Variants in RNF216 observed in about 807,000 individuals in gnomAD.
RNF216 encodes E3 ubiquitin-protein ligase RNF216.
A neutral mutation model predicts 110.8 loss-of-function variants in RNF216; 72 were observed. That is an observed-to-expected ratio of 0.65 (90% CI 0.54 to 0.79). RNF216 has a LOEUF of 0.79. Among genes scored for constraint, RNF216 ranks in the 30% least tolerant of loss-of-function variants. The pLI is 0.00. For synonymous variants in RNF216, 495 were observed against 407.5 expected (o/e 1.21, Z -2.59); for missense variants, 1,342 against 1,141.2 (o/e 1.18, Z -2.54).
At chr7:5,683,508 G>C (rs1483292267) in intron 13 of RNF216, among the ~76,000 whole-genome samples, 1 of 152,102 alleles carries the variant, frequency 6.6e-6, no homozygotes, top group East Asian at 1.9e-4. Context: ...AGAGACCAAG[G>C]CCACAGGCAC....
intron 13 of RNF216, among the ~76,000 whole-genome samples, chr7:5,692,454 T>C (rs1213519240): frequency 6.6e-6 from 1 of 152,386 alleles, no homozygotes; most frequent in Admixed American, 6.5e-5. Flanking sequence ...GGAAACAGTC[T>C]TGAATTCTAA....
intron 5 of RNF216, chr7:5,732,955 G>C (rs1030546318): frequency 6.6e-6 from 1 of 152,202 alleles, no homozygotes; most frequent in African/African-American, 2.4e-5. Context: ...AAGTTAACCA[G>C]CCAAAGTAGA....
rs1032056675 is a variant in RNF216, at chr7:5,696,632, G to A, written c.2061+15129C>T. ...CACCAAAGCCTCTTCCTTGGCTGCTGCCATCCTCGCTTTTGACTACTGCCC... is the reference window on the plus strand; with the variant it reads ...CACCAAAGCCTCTTCCTTGGCTGCTACCATCCTCGCTTTTGACTACTGCCC... On this transcript the variant is annotated intron_variant, in intron 13 of 16. Transcript: ENST00000389902. This position sits in a 1 kb window ranked among gnomAD's most constrained non-coding sequence, Gnocchi z 5.4. 6.6e-6 allele frequency among the ~76,000 whole-genome samples: 1 copy of A among 152,128 alleles called. No individual in the cohort carries two copies. The highest frequency in any genetic ancestry group is 1.9e-4 in the East Asian group (1 of 5,202).
At chr7:5,768,416 GAAGC>G (rs1235566861) in intron 1 of RNF216, among the ~76,000 whole-genome samples, 11 of 119,204 alleles carry the variant, frequency 9.2e-5, no homozygotes, top group African/African-American at 3.7e-4. Context: ...AGACCTTAAG[GAAGC>G]AAGATGAACC....
chr7:5,639,406 T>TC (rs1787594897), intron 15 of RNF216, among the ~76,000 whole-genome samples: 1 of 151,742 alleles, frequency 6.6e-6, no homozygotes, highest in African/African-American at 2.4e-5. Flanking sequence ...ACTTCTGTTT[T>TC]CCTTTTTTTT....
intron 1 of RNF216, among the ~76,000 whole-genome samples, chr7:5,781,093 G>A (rs891203559): frequency 1.3e-5 from 2 of 152,192 alleles, no homozygotes; most frequent in African/African-American, 4.8e-5. Flanking sequence ...TGAGGGAAGA[G>A]GAGGAAAAAC....
intron 13 of RNF216, among the ~76,000 whole-genome samples, chr7:5,655,170 T>G (rs1387366987): frequency 6.6e-6 from 1 of 152,214 alleles, no homozygotes; most frequent in African/African-American, 2.4e-5. Flanking sequence ...CAAAATGACC[T>G]GGCCAGGCTG....
At chr7:5,722,741 G>T (rs1793511873) in intron 8 of RNF216, among the ~76,000 whole-genome samples, 1 of 151,616 alleles carries the variant, frequency 6.6e-6, no homozygotes, top group South Asian at 2.1e-4. Context: ...AGTTTTTGGG[G>T]CCAGGCGCAG....
chr7:5,630,493 T>C (rs377576167), intron 15 of RNF216, among the ~76,000 whole-genome samples: 1 of 152,130 alleles, frequency 6.6e-6, no homozygotes, highest in Admixed American at 6.6e-5. Context: ...TCTTCTCACC[T>C]TAGGCTCCCC....
rs149833669 is a variant in RNF216 at position 5,623,062 on chromosome 7, T to A, written c.2570A>T (p.Tyr857Phe). ...GGGGAAGGGTGGGTGCGCGAAGGCA[T>A]AGGGTGGCATCTGTGGCTGTGGCAG... is the stretch of plus-strand genomic sequence containing the variant. ...QNLPQPQMPP[Y>F]AFAHPPFPLP... The change falls in exon 17 of 17, where the codon TAT becomes TTT. Residue 857 changes from tyrosine to phenylalanine, a missense_variant. Tyr to Phe is a conservative substitution (Grantham distance 22, BLOSUM62 3). Transcript: ENST00000389902. The A allele has an allele frequency of 6.2e-7, 1 of 1,613,522 alleles. No homozygotes were observed. The highest frequency in any genetic ancestry group is 1.1e-5 in the South Asian group (1 of 91,064).
At position 5,729,439 on chromosome 7, in the gene RNF216, G is replaced by A. The variant is rs1793955225; in HGVS notation, c.1382C>T (p.Thr461Ile). Residue 461 changes from threonine (T) to isoleucine (I), a missense_variant, in exon 7 of 17, where the codon ACC (threonine) becomes ATC (isoleucine). Coordinates refer to ENST00000389902, the MANE Select transcript of RNF216 (RefSeq NM_207111.4). ...LHELKGHYAITRKALSDAIKK... is the reference protein window; with the variant it reads ...LHELKGHYAIIRKALSDAIKK... Reference sequence around the variant, plus strand: ...GAAGACCAAGTAGAGTACCTTTCGGGTGATTGCATAGTGTCCTTTGAGCTC... The same window carrying A: ...GAAGACCAAGTAGAGTACCTTTCGGATGATTGCATAGTGTCCTTTGAGCTC... The A allele has an allele frequency of 6.2e-7, 1 of 1,613,972 alleles. No individual in the cohort carries two copies. The highest frequency in any genetic ancestry group is 1.1e-5 in the South Asian group (1 of 91,088).
intron 8 of RNF216, 122 bp from the exon 9 acceptor site, chr7:5,721,294 T>C (rs1793410595): frequency 2.4e-6 from 2 of 847,502 alleles, no homozygotes; most frequent in South Asian, 3.5e-5. Context: ...TTTCATGACT[T>C]TTCTATCACA....
In RNF216 at chr7:5,688,156, C is replaced by T. The variant is rs147143189; in HGVS notation, c.2061+23605G>A. On this transcript the variant is annotated intron_variant, in intron 13 of 16. Coordinates refer to ENST00000389902, the MANE Select transcript of RNF216 (RefSeq NM_207111.4). ...GGCTGGTGGGGACACCAGGCTTTCACGCACAGAACTGTGTAAAACTGAAAG... is the reference window on the plus strand; with the variant it reads ...GGCTGGTGGGGACACCAGGCTTTCATGCACAGAACTGTGTAAAACTGAAAG... Among the ~76,000 whole-genome samples, 359 of 152,294 alleles carry T rather than the reference C, an allele frequency of 2.4e-3. 1 individual carries two copies. Among genetic ancestry groups the T allele is most frequent in the Non-Finnish European group, 4.0e-3 (274 of 68,032 alleles).
intron 13 of RNF216, among the ~76,000 whole-genome samples, chr7:5,702,430 G>A (rs1283301834): frequency 1.3e-5 from 2 of 152,150 alleles, no homozygotes; most frequent in Non-Finnish European, 2.9e-5. Context: ...TAATGCGTAT[G>A]TATTTTTACC....
At chr7:5,637,784 G>C (rs1477427445) in intron 15 of RNF216, among the ~76,000 whole-genome samples, 1 of 152,156 alleles carries the variant, frequency 6.6e-6, no homozygotes, top group African/African-American at 2.4e-5. Context: ...CAAGAGATCT[G>C]CCCGCCTTGG....
intron 13 of RNF216, among the ~76,000 whole-genome samples, chr7:5,697,624 A>G (rs957531745): frequency 2.0e-5 from 3 of 152,168 alleles, no homozygotes; most frequent in Non-Finnish European, 4.4e-5. Context: ...CTGGGACTAC[A>G]AGTGCGCACC....
chr7:5,764,817 A>C (rs1374336803), intron 1 of RNF216, among the ~76,000 whole-genome samples: 1 of 152,092 alleles, frequency 6.6e-6, no homozygotes, highest in African/African-American at 2.4e-5. Context: ...CTATAATCCC[A>C]CCACTTTGGG....
At chr7:5,736,174 G>A (rs557865596) in intron 5 of RNF216, among the ~76,000 whole-genome samples, 1 of 152,220 alleles carries the variant, frequency 6.6e-6, no homozygotes, top group Admixed American at 6.5e-5. Flanking sequence ...CCCAGCCGAA[G>A]CTGGACTGTA....
chr7:5,773,579 A>C (rs1009095619), intron 1 of RNF216, among the ~76,000 whole-genome samples: 1 of 149,470 alleles, frequency 6.7e-6, no homozygotes, highest in Non-Finnish European at 1.5e-5. Flanking sequence ...TTTTCAAGCC[A>C]AATTTTGAGA....
Sources: gnomAD v4.1 joint callset for allele counts (sites outside exome capture counted in the v4.1 genomes callset) on GRCh38, gnomAD v4.1.1 for gene constraint, Gnocchi (gnomAD v3.1) non-coding constraint, MANE v1.5 for transcripts, NCBI Gene and HGNC (gene_info 2026-07-23, HGNC 2026-07-21) for gene names.